ADGRL3: variants seen among roughly 807,000 people sequenced by gnomAD.
ADGRL3 encodes the protein adhesion G protein-coupled receptor L3.
A neutral mutation model predicts 153.5 loss-of-function variants in ADGRL3; 62 were observed. That is an observed-to-expected ratio of 0.40 (90% CI 0.33 to 0.50). ADGRL3 has a LOEUF of 0.50. Among genes scored for constraint, ADGRL3 ranks in the 20% least tolerant of loss-of-function variants. ADGRL3 has a pLI of 0.47. For synonymous variants in ADGRL3, 710 were observed against 672.5 expected, an observed-to-expected ratio of 1.06 and a Z score of -0.86; for missense variants, 1,641 against 1,859.4, an observed-to-expected ratio of 0.88 and a Z score of 2.16.
chr4:61,439,615 C>G (rs576620498), intron 2 of ADGRL3, among the ~76,000 whole-genome samples: 1 of 152,196 alleles, frequency 6.6e-6, no homozygotes, highest in African/African-American at 2.4e-5. Flanking sequence ...GCCCTCCAAC[C>G]CCCGACACGC....
intron 10 of ADGRL3, 58 bp downstream of exon 10, chr4:61,893,016 T>C (rs896770948): frequency 8.6e-7 from 1 of 1,162,990 alleles, no homozygotes; most frequent in Non-Finnish European, 1.1e-6. Flanking sequence ...CTTTATTTTC[T>C]AGTATTCTTT....
At position 61,500,997 on chromosome 4, in the gene ADGRL3, TCTCCTAGTCACTTGGGAG is replaced by T. The variant is rs1367738252; in HGVS notation, c.55+3651_55+3668del. 5.3e-5 allele frequency among the ~76,000 whole-genome samples: 8 copies of T among 152,222 alleles called. No individual in the cohort carries two copies. In the East Asian group the frequency reaches 1.2e-3, roughly 22 times the overall value. On this transcript the variant is annotated intron_variant, in intron 3 of 26. Transcript: ENST00000683033. ...TCTTTACATAGAATCTCATCTCAACTCTCCTAGTCACTTGGGAGCAGGTGAGGCAGAAACATTGACCAT... is the reference window on the plus strand; with the variant it reads ...TCTTTACATAGAATCTCATCTCAACTCAGGTGAGGCAGAAACATTGACCAT...
Position 61,432,617 on chromosome 4 carries a change from T to C in ADGRL3, c.-174+49428T>C, listed in dbSNP as rs1560622986. Among the ~76,000 whole-genome samples the C allele has an allele frequency of 2.5e-5, 2 of 79,068 alleles. 1 individual carries two copies. The highest frequency in any genetic ancestry group is 5.4e-5 in the Non-Finnish European group (2 of 37,070). The allele number at this position is 79,068 out of a possible 152,430, so 51.9% of individuals were successfully genotyped here. On this transcript the variant is annotated intron_variant, in intron 2 of 26. Transcript: ENST00000683033. ...TTCTTTCTTTCTTTCTTTCTTTCTT[T>C]CTTTCTTTCTTTCTTTCTTTCTTTC...
intron 5 of ADGRL3, among the ~76,000 whole-genome samples, chr4:61,646,782 C>T (rs1475542183): frequency 1.3e-5 from 2 of 152,174 alleles, no homozygotes; most frequent in Admixed American, 1.3e-4. Flanking sequence ...AGGCAGGCCT[C>T]CTTGAGCTGT....
chr4:61,736,651 C>G (rs1018126192), intron 8 of ADGRL3, among the ~76,000 whole-genome samples: 4 of 152,048 alleles, frequency 2.6e-5, no homozygotes, highest in African/African-American at 9.7e-5. Context: ...GAGCGAGACT[C>G]CATCTCAGAA....
intron 1 of ADGRL3, among the ~76,000 whole-genome samples, chr4:61,366,987 T>C (rs1389628915): frequency 6.6e-6 from 1 of 152,146 alleles, no homozygotes; most frequent in Non-Finnish European, 1.5e-5. Context: ...GTTTATTAGA[T>C]TGATTATAGA....
intron 4 of ADGRL3, among the ~76,000 whole-genome samples, chr4:61,586,368 G>A (rs112106191): frequency 0.054 from 8,159 of 151,912 alleles, 671 homozygotes; most frequent in African/African-American, 0.18. Flanking sequence ...TGAGCATAGG[G>A]CATAGTTAAA....
intron 1 of ADGRL3, among the ~76,000 whole-genome samples, chr4:61,270,686 G>A (rs2093121445): frequency 6.6e-6 from 1 of 151,694 alleles, no homozygotes; most frequent in Non-Finnish European, 1.5e-5. Flanking sequence ...CTAAACATAA[G>A]AATGACCAAG....
intron 2 of ADGRL3, among the ~76,000 whole-genome samples, chr4:61,491,570 T>C (rs900924097): frequency 6.6e-6 from 1 of 152,134 alleles, no homozygotes; most frequent in Non-Finnish European, 1.5e-5. Context: ...TTCTTCTTTG[T>C]AATTTATATC....
chr4:61,428,831 TTATCTATCTATCTATCTATC>T (rs4038727), intron 2 of ADGRL3, among the ~76,000 whole-genome samples: 9 of 135,204 alleles, frequency 6.7e-5, no homozygotes, highest in African/African-American at 1.1e-4. Context: ...TAGCTATCAT[TTATCTATCTATCTATCTATC>T]TATCTATCTA....
chr4:61,558,900 C>T (rs1340806669), intron 4 of ADGRL3, among the ~76,000 whole-genome samples: 1 of 152,018 alleles, frequency 6.6e-6, no homozygotes, highest in Admixed American at 6.6e-5. Flanking sequence ...TTTAAGGTTT[C>T]ATTGGGCAGA....
At chr4:61,468,453 C>T (rs1056516333) in intron 2 of ADGRL3, among the ~76,000 whole-genome samples, 2 of 152,198 alleles carry the variant, frequency 1.3e-5, no homozygotes, top group East Asian at 3.9e-4. Flanking sequence ...AACCATTTTT[C>T]TCTAAAAGTC....
At chr4:61,468,214 C>T (rs1240298105) in intron 2 of ADGRL3, among the ~76,000 whole-genome samples, 1 of 152,154 alleles carries the variant, frequency 6.6e-6, no homozygotes, top group Non-Finnish European at 1.5e-5. Flanking sequence ...AGCTTCTACC[C>T]GTATAGCTGC....
intron 5 of ADGRL3, among the ~76,000 whole-genome samples, chr4:61,644,688 G>A (rs1205647934): frequency 2.6e-5 from 4 of 152,118 alleles, no homozygotes; most frequent in African/African-American, 9.7e-5. Context: ...CATTTGCTGA[G>A]AAGAGCTTTA....
At chr4:61,264,562 T>C (rs1219346401) in intron 1 of ADGRL3, among the ~76,000 whole-genome samples, 1 of 152,062 alleles carries the variant, frequency 6.6e-6, no homozygotes, top group Non-Finnish European at 1.5e-5. Context: ...CACCCATGTA[T>C]GTATTCAAGA....
intron 8 of ADGRL3, among the ~76,000 whole-genome samples, chr4:61,764,625 A>G (rs1171214651): frequency 6.6e-6 from 1 of 152,090 alleles, no homozygotes; most frequent in Non-Finnish European, 1.5e-5. Flanking sequence ...TTCTTTAGTT[A>G]CTTCAGGCCA....
intron 2 of ADGRL3, among the ~76,000 whole-genome samples, chr4:61,425,858 C>G (rs532890517): frequency 6.6e-6 from 1 of 152,360 alleles, no homozygotes; most frequent in South Asian, 2.1e-4. Flanking sequence ...TGCAATGGGC[C>G]TTCGAGAGTC....
chr4:61,824,049 G>A lies in ADGRL3; in HGVS notation c.1480+10160G>A, dbSNP rs938438385. Among the ~76,000 whole-genome samples, 13 of 134,804 alleles carry A rather than the reference G, an allele frequency of 9.6e-5. No individual in the cohort carries two copies. In the East Asian group the frequency reaches 1.4e-3, roughly 15 times the overall value. 88.4% of individuals were successfully genotyped at this position (134,804 alleles called of 152,430 possible). On this transcript the variant is annotated intron_variant, in intron 9 of 26. Transcript: ENST00000683033. ...TGCACTCCAGTCTGGGCGACAGAGC[G>A]AGAATCCGTCTCAAAAAAAAAAGTA...
intron 19 of ADGRL3, among the ~76,000 whole-genome samples, chr4:61,994,733 A>G (rs1056331410): frequency 2.6e-5 from 4 of 151,666 alleles, no homozygotes; most frequent in Non-Finnish European, 5.9e-5. Context: ...AACCACTAAC[A>G]TGAGTTTGGT....
Sources: allele counts gnomAD v4.1 joint callset (sites outside exome capture counted in the v4.1 genomes callset), GRCh38; gene constraint gnomAD v4.1.1; transcripts MANE v1.5; gene names NCBI Gene and HGNC (gene_info 2026-07-23, HGNC 2026-07-21).